The following WBP4 variants were observed in gnomAD, a reference collection of about 807,000 sequenced individuals.
WBP4 encodes the protein WW domain-binding protein 4.
Under a neutral mutation model 55.4 loss-of-function variants are expected in WBP4, and 37 were observed. That is an observed-to-expected ratio of 0.67 (90% CI 0.51 to 0.88). The LOEUF (loss-of-function observed/expected upper bound fraction) is 0.88. Among genes scored for constraint, WBP4 ranks in the 40% least tolerant of loss-of-function variants. WBP4 has a pLI of 0.00. For synonymous variants in WBP4, 142 were observed against 140.2 expected, an observed-to-expected ratio of 1.01 and a Z score of -0.09; for missense variants, 398 against 420.8, an observed-to-expected ratio of 0.95 and a Z score of 0.47.
chr13:41,078,725 G>A (rs1878613128), intron 8 of WBP4, among the ~76,000 whole-genome samples: 1 of 152,178 alleles, frequency 6.6e-6, no homozygotes, highest in African/African-American at 2.4e-5. Context: ...TACTTGGGAG[G>A]CTGAGGCAGG....
At chr13:41,069,705 CAAAAAAAAAA>C (rs35819905) in intron 5 of WBP4, among the ~76,000 whole-genome samples, 5 of 75,886 alleles carry the variant, frequency 6.6e-5, no homozygotes, top group Non-Finnish European at 1.4e-4. Flanking sequence ...GACTCTGCCT[CAAAAAAAAAA>C]AAAAAAAAAA....
intron 7 of WBP4, among the ~76,000 whole-genome samples, 194 bp from the exon 8 acceptor site, chr13:41,075,850 G>A (rs1268490049): frequency 3.9e-5 from 6 of 152,014 alleles, no homozygotes; most frequent in Non-Finnish European, 5.9e-5. Flanking sequence ...TAGTAAATCC[G>A]GGCTGTTTGA....
At chr13:41,069,672 C>G (rs151308607) in intron 5 of WBP4, among the ~76,000 whole-genome samples, 2 of 136,302 alleles carry the variant, frequency 1.5e-5, no homozygotes, top group African/African-American at 5.4e-5. Context: ...GGCCACTGTA[C>G]TCCAGCCTGG....
intron 5 of WBP4, among the ~76,000 whole-genome samples, chr13:41,069,553 T>G: frequency 6.6e-6 from 1 of 151,772 alleles, no homozygotes. Flanking sequence ...TCCCAGCTAC[T>G]TGGGAGGCTG....
At chr13:41,082,186 C>T (rs1566215758) in intron 9 of WBP4, among the ~76,000 whole-genome samples, 2 of 152,160 alleles carry the variant, frequency 1.3e-5, no homozygotes, top group Non-Finnish European at 1.5e-5. Flanking sequence ...GATCTCGACT[C>T]GCTGCAACCT....
At chr13:41,066,519 A>C (rs1222611833) in intron 4 of WBP4, among the ~76,000 whole-genome samples, 1 of 151,428 alleles carries the variant, frequency 6.6e-6, no homozygotes, top group Non-Finnish European at 1.5e-5. Context: ...AATTAGGGAG[A>C]TGTATCATTT....
chr13:41,080,975 G>A (rs758753763), intron 9 of WBP4, among the ~76,000 whole-genome samples, 166 bp downstream of exon 9: 5 of 151,924 alleles, frequency 3.3e-5, no homozygotes, highest in Non-Finnish European at 5.9e-5. Context: ...TGAGGTGGGC[G>A]GATCACGAGG....
Position 41,082,896 on chromosome 13 carries a change from A to G in WBP4, c.1113A>G (p.Gln371=). 1 of 1,614,060 alleles carries G rather than the reference A, an allele frequency of 6.2e-7. No individual in the cohort carries two copies. The highest frequency in any genetic ancestry group is 2.2e-5 in the East Asian group (1 of 44,874). The change falls in exon 10 of 10, where the codon CAA becomes CAG. Residue 371 remains glutamine, a synonymous_variant. Transcript: ENST00000379487. ...ATGGAAAATCTAGAAATTTAAGGCA[A>G]CGAGGTGATGATCAATAGTTGCAGG... The part of the protein sequence containing the change: ...TENGKSRNLR[Q]RGDDQ
chr13:41,071,374 T>C (rs1269567151), intron 5 of WBP4, among the ~76,000 whole-genome samples, 153 bp from the exon 6 acceptor site: 2 of 152,274 alleles, frequency 1.3e-5, no homozygotes, highest in African/African-American at 2.4e-5. Context: ...TGCACAGTAC[T>C]GGGATGTATG....
chr13:41,064,172 T>G (rs575470152), intron 2 of WBP4, among the ~76,000 whole-genome samples: 2 of 152,096 alleles, frequency 1.3e-5, no homozygotes, highest in Non-Finnish European at 2.9e-5. Flanking sequence ...GTATATATTA[T>G]TCTGCACTAG....
chr13:41,081,315 A>G (rs1484670511), intron 9 of WBP4, among the ~76,000 whole-genome samples: 1 of 151,848 alleles, frequency 6.6e-6, no homozygotes, highest in Non-Finnish European at 1.5e-5. Context: ...CCTGGCCAAC[A>G]TGGCAAAACT....
At chr13:41,076,742 G>T (rs748679220) in intron 8 of WBP4, among the ~76,000 whole-genome samples, 19 of 152,200 alleles carry the variant, frequency 1.2e-4, no homozygotes, top group Non-Finnish European at 2.5e-4. Flanking sequence ...GGTTGCGATT[G>T]TTGGCCTGAG....
In WBP4 at chr13:41,061,509, G is replaced by A. The variant is rs1877630451; in HGVS notation, c.-165G>A. On this transcript the variant is annotated 5_prime_UTR_variant, in exon 1 of 10. Transcript: ENST00000379487. ...CGCGGATTGGATCGTCTGGGCACCCGTAGTTGGGAACAGCGGAACGCTGGT... is the reference window on the plus strand; with the variant it reads ...CGCGGATTGGATCGTCTGGGCACCCATAGTTGGGAACAGCGGAACGCTGGT... The A allele has an allele frequency of 9.3e-7, 1 of 1,070,516 alleles. No homozygotes were observed. The highest frequency in any genetic ancestry group is 1.4e-6 in the Non-Finnish European group (1 of 725,874). 66.3% of individuals were successfully genotyped at this position (1,070,516 alleles called of 1,614,324 possible).
chr13:41,066,539 A>T (rs1282879400), intron 4 of WBP4, among the ~76,000 whole-genome samples: 1 of 152,158 alleles, frequency 6.6e-6, no homozygotes. Flanking sequence ...TTTATATGGT[A>T]GGAGCAGACT....
At chr13:41,075,815 C>G (rs1458991099) in intron 7 of WBP4, among the ~76,000 whole-genome samples, 4 of 152,098 alleles carry the variant, frequency 2.6e-5, no homozygotes, top group Non-Finnish European at 2.9e-5. Context: ...GTCTCTCATT[C>G]CATTGGAGTT....
chr13:41,064,865 A>T (rs915387636), intron 2 of WBP4, 151 bp from the exon 3 acceptor site: 5 of 707,948 alleles, frequency 7.1e-6, no homozygotes, highest in African/African-American at 3.7e-5. Context: ...ATTTGATTAA[A>T]AGGGCCAATT....
intron 5 of WBP4, among the ~76,000 whole-genome samples, chr13:41,069,434 G>T (rs559995950): frequency 3.9e-5 from 6 of 151,996 alleles, no homozygotes; most frequent in Non-Finnish European, 8.8e-5. Context: ...AGGCTGAGAT[G>T]GGCAGATCAC....
rs1261042150 is a variant in WBP4, at chr13:41,071,527, C to T, written c.440C>T (p.Ala147Val). 13 of 1,602,712 alleles carry T rather than the reference C, an allele frequency of 8.1e-6. No homozygotes were observed. The highest frequency in any genetic ancestry group is 1.1e-5 in the Non-Finnish European group (13 of 1,175,514). Residue 147 changes from alanine (A) to valine (V), a missense_variant and splice_region_variant, in exon 6 of 10, where the codon GCA (alanine) becomes GTA (valine). Physicochemically the swap from Ala to Val is moderately conservative, Grantham distance 64. Coordinates refer to ENST00000379487, the MANE Select transcript of WBP4 (RefSeq NM_007187.5). ...YHYYYDLISG[A>V]SQWEKPEGFQ... is the part of the protein sequence containing the mutation. ...TAAATGCAATATATTTTGCTTTAAG[C>T]ATCTCAGTGGGAGAAACCTGAAGGA...
At chr13:41,081,046 A>G (rs1878752681) in intron 9 of WBP4, among the ~76,000 whole-genome samples, 1 of 151,868 alleles carries the variant, frequency 6.6e-6, no homozygotes, top group Non-Finnish European at 1.5e-5. Flanking sequence ...AAAATACAAA[A>G]ATTAGCTGGG....
Sources: allele counts gnomAD v4.1 joint callset (sites outside exome capture counted in the v4.1 genomes callset), GRCh38; gene constraint gnomAD v4.1.1; transcripts MANE v1.5; gene names NCBI Gene and HGNC (gene_info 2026-07-23, HGNC 2026-07-21).